Variants in RARS2 observed in about 807,000 individuals in gnomAD.
The protein encoded by RARS2 is arginyl-tRNA synthetase 2, mitochondrial, also known as probable arginine--tRNA ligase, mitochondrial.
RARS2 carries 67 observed loss-of-function variants against 88.5 expected under a neutral mutation model. That is an observed-to-expected ratio of 0.76 (90% CI 0.62 to 0.93). RARS2 has a LOEUF of 0.93. RARS2 is among the 40% of genes least tolerant of loss of function. RARS2 has a pLI of 0.00. For synonymous variants in RARS2, 239 were observed against 230.3 expected (o/e 1.04, Z -0.34); for missense variants, 664 against 684.2 (o/e 0.97, Z 0.33).
chr6:87,549,383 A>T (rs1783673285), intron 5 of RARS2, among the ~76,000 whole-genome samples: 1 of 132,410 alleles, frequency 7.6e-6, no homozygotes, highest in Non-Finnish European at 1.6e-5. Context: ...AAAATAAAAT[A>T]AATAAATAAA....
Position 87,541,928 on chromosome 6 carries a change from T to C in RARS2, c.602A>G (p.His201Arg), listed in dbSNP as rs548514710. 4.3e-6 allele frequency: 7 copies of C among 1,612,664 alleles called. No homozygotes were observed. The South Asian group carries it at 6.6e-5, about 15-fold the overall frequency. The change falls in exon 8 of 20, where the codon CAT becomes CGT. Residue 201 changes from histidine to arginine, a missense_variant. Coordinates refer to ENST00000369536, the MANE Select transcript of RARS2 (RefSeq NM_020320.5). ...TTCTTGCCAACTTACTTCAAAGAGA[T>C]GCTGTAGAGGATTGGACTGCAGTTT... Reference protein sequence around the residue: ...EEKLQSNPLQHLFEVYVQVNK... With the variant: ...EEKLQSNPLQRLFEVYVQVNK...
intron 1 of RARS2, 31 bp from the exon 2 acceptor site, chr6:87,569,621 G>C (rs1768999482): frequency 6.6e-7 from 1 of 1,513,858 alleles, no homozygotes; most frequent in Non-Finnish European, 9.2e-7. Flanking sequence ...AACAGTGTAA[G>C]ATTGTTCACA....
At chr6:87,562,139 A>AT (rs1216549339) in intron 4 of RARS2, among the ~76,000 whole-genome samples, 9 of 151,916 alleles carry the variant, frequency 5.9e-5, no homozygotes, top group Non-Finnish European at 7.4e-5. Context: ...TAATTTTTAA[A>AT]TTTTTTTGTA....
chr6:87,535,523 C>T (rs552759210), intron 8 of RARS2, among the ~76,000 whole-genome samples: 20 of 152,102 alleles, frequency 1.3e-4, no homozygotes, highest in Non-Finnish European at 2.9e-4. Flanking sequence ...ACACTAACCC[C>T]TCACTATTTT....
intron 4 of RARS2, among the ~76,000 whole-genome samples, chr6:87,561,180 G>A (rs1052709369): frequency 5.4e-4 from 82 of 152,276 alleles, no homozygotes; most frequent in African/African-American, 1.9e-3. Context: ...ATAGCTCAGA[G>A]TAGTCTCAGC....
At chr6:87,533,063 A>G (rs964661219) in intron 8 of RARS2, among the ~76,000 whole-genome samples, 2 of 152,170 alleles carry the variant, frequency 1.3e-5, no homozygotes, top group Admixed American at 1.3e-4. Context: ...AAGCAAACAC[A>G]TGCAAAATGT....
chr6:87,580,390 C>G (rs1187650202), intron 1 of RARS2, among the ~76,000 whole-genome samples: 6 of 151,910 alleles, frequency 3.9e-5, no homozygotes, highest in Admixed American at 3.9e-4. Flanking sequence ...AAAATTTTAA[C>G]AGAGAAATAA....
chr6:87,577,711 T>C (rs2128211456), intron 1 of RARS2, among the ~76,000 whole-genome samples: 1 of 152,286 alleles, frequency 6.6e-6, no homozygotes, highest in South Asian at 2.1e-4. Flanking sequence ...GTTATAAACT[T>C]TGAGTGAGAA....
intron 5 of RARS2, among the ~76,000 whole-genome samples, chr6:87,549,528 A>G (rs1783713324): frequency 6.6e-6 from 1 of 151,604 alleles, no homozygotes; most frequent in Admixed American, 6.6e-5. Context: ...CCTGGGTGAC[A>G]GAGTAAGATT....
chr6:87,560,759 T>C lies in RARS2; in HGVS notation c.297+1943A>G, dbSNP rs538156336. On this transcript the variant is annotated intron_variant, in intron 4 of 19. Coordinates refer to ENST00000369536, the MANE Select transcript of RARS2 (RefSeq NM_020320.5). ...AAAATTAGCTGGGCGCGGTGGTGCA[T>C]GCCTGTAATCCCAGCTACCTGGGGA... is the stretch of plus-strand genomic sequence containing the variant. Among the ~76,000 whole-genome samples, 14 of 152,286 alleles carry C rather than the reference T, an allele frequency of 9.2e-5. No individual in the cohort carries two copies. In the South Asian group the frequency reaches 2.7e-3, roughly 29 times the overall value.
rs1157083621 is a variant in RARS2, at chr6:87,576,203, T to C, written c.37-6613A>G. On this transcript the variant is annotated intron_variant, in intron 1 of 19. Transcript: ENST00000369536. ...AATTTATATAAAATTTAATAACTTGTAAAATAATACTATTTAGAGATACAT... is the reference window on the plus strand; with the variant it reads ...AATTTATATAAAATTTAATAACTTGCAAAATAATACTATTTAGAGATACAT... Among the ~76,000 whole-genome samples, 5 of 119,898 alleles carry C rather than the reference T, an allele frequency of 4.2e-5. 1 individual carries two copies. Among genetic ancestry groups the C allele is most frequent in the African/African-American group, 1.5e-4 (5 of 32,306 alleles). The allele number at this position is 119,898 out of a possible 152,430, so 78.7% of individuals were successfully genotyped here.
At position 87,554,806 on chromosome 6, in the gene RARS2, A is replaced by G. The variant is rs554132302; in HGVS notation, c.395+602T>C. Reference sequence around the variant, plus strand: ...ATTACCTCTGCCTTAACAGTCTATTAAAGTAAATAACTAGTCAGGCACAGT... The same window carrying G: ...ATTACCTCTGCCTTAACAGTCTATTGAAGTAAATAACTAGTCAGGCACAGT... On this transcript the variant is annotated intron_variant, in intron 5 of 19. Transcript: ENST00000369536. Among the ~76,000 whole-genome samples the G allele has an allele frequency of 5.3e-5, 8 of 152,212 alleles. 1 individual carries two copies. In the South Asian group the frequency reaches 1.2e-3, roughly 24 times the overall value.
intron 8 of RARS2, among the ~76,000 whole-genome samples, chr6:87,537,390 T>C (rs1779525781): frequency 6.6e-6 from 1 of 152,228 alleles, no homozygotes; most frequent in African/African-American, 2.4e-5. Context: ...AGACTACCTG[T>C]GCCGGAATCC....
intron 2 of RARS2, 99 bp from the exon 3 acceptor site, chr6:87,564,331 T>C: frequency 2.3e-6 from 2 of 877,414 alleles, no homozygotes; most frequent in South Asian, 2.8e-5. Context: ...AGACATACCT[T>C]TACCAGAAGA....
chr6:87,528,310 G>A lies in RARS2; in HGVS notation c.878+1232C>T, dbSNP rs2128052602. On this transcript the variant is annotated intron_variant, in intron 10 of 19. Coordinates refer to ENST00000369536, the MANE Select transcript of RARS2 (RefSeq NM_020320.5). ...TAAAAGGGAACCCTTGTACACTGTT[G>A]GTGGGAATGTTGGTATAGCCATTAT... Among the ~76,000 whole-genome samples, 3 of 151,132 alleles carry A rather than the reference G, an allele frequency of 2.0e-5. No homozygotes were observed. In the South Asian group the frequency reaches 6.3e-4, roughly 31 times the overall value.
intron 17 of RARS2, among the ~76,000 whole-genome samples, chr6:87,517,428 C>A (rs1011178861): frequency 1.3e-5 from 2 of 152,170 alleles, no homozygotes; most frequent in South Asian, 4.1e-4. Flanking sequence ...AAACTTAAAT[C>A]ATGGCTGGTG....
At chr6:87,540,643 T>A (rs978225238) in intron 8 of RARS2, among the ~76,000 whole-genome samples, 1 of 152,116 alleles carries the variant, frequency 6.6e-6, no homozygotes, top group Non-Finnish European at 1.5e-5. Flanking sequence ...TCCCCTGATC[T>A]GTCACCAATA....
At chr6:87,548,713 T>C in intron 5 of RARS2, 67 bp from the exon 6 acceptor site, 1 of 1,441,320 alleles carries the variant, frequency 6.9e-7, no homozygotes. Flanking sequence ...AACTAGGTCA[T>C]GCCTCCATAC....
At chr6:87,563,102 G>A (rs1788371072) in intron 3 of RARS2, among the ~76,000 whole-genome samples, 1 of 152,068 alleles carries the variant, frequency 6.6e-6, no homozygotes, top group African/African-American at 2.4e-5. Context: ...GACATACGAT[G>A]AACACTTTTT....
Sources: allele counts gnomAD v4.1 joint callset (sites outside exome capture counted in the v4.1 genomes callset), GRCh38; gene constraint gnomAD v4.1.1; transcripts MANE v1.5; gene names NCBI Gene and HGNC (gene_info 2026-07-23, HGNC 2026-07-21).